PRRC2B: variants seen among roughly 807,000 people sequenced by gnomAD.
PRRC2B encodes proline rich coiled-coil 2B, also known as protein PRRC2B.
In PRRC2B, 68 loss-of-function variants were observed where a neutral mutation model predicts 242.3. The ratio of observed to expected loss-of-function variants is 0.28; its 90% CI spans 0.23 to 0.34. PRRC2B has a LOEUF of 0.34. Ranked by LOEUF, PRRC2B falls within the 10% of genes least tolerant of loss-of-function variation. The pLI is 1.00. For synonymous variants in PRRC2B, 1,228 were observed against 1,173.6 expected (o/e 1.05, Z -0.95); for missense variants, 2,835 against 2,954.8 (o/e 0.96, Z 0.94).
chr9:131,494,285 G>A lies in PRRC2B; in HGVS notation c.6474-120G>A, dbSNP rs566753181. On this transcript the variant is annotated intron_variant, in intron 30 of 31. Transcript: ENST00000683519. This position sits in a 1 kb window ranked among gnomAD's most constrained non-coding sequence, Gnocchi z 4.3. ...ATCCAAGAGATCCACGGACCGTCCC[G>A]AGTGAGCGCCTCTGGCCGCAGGCCC... 9.5e-5 allele frequency: 59 copies of A among 620,142 alleles called. No homozygotes were observed. The highest frequency in any genetic ancestry group is 2.7e-4 in the Middle Eastern group (1 of 3,756). 38.4% of individuals were successfully genotyped at this position (620,142 alleles called of 1,614,324 possible). A position where few individuals can be genotyped will look rare whatever the true frequency, so the allele number is the denominator to read the frequency against.
intron 6 of PRRC2B, among the ~76,000 whole-genome samples, chr9:131,444,948 A>G (rs1454211220): frequency 1.3e-5 from 2 of 152,138 alleles, no homozygotes; most frequent in East Asian, 3.9e-4. Flanking sequence ...CACGTGTTCT[A>G]CTCAGGGATT....
At chr9:131,389,813 A>C (rs1403728365), upstream of PRRC2B, among the ~76,000 whole-genome samples, 4 of 149,574 alleles carry the variant, frequency 2.7e-5, no homozygotes, top group African/African-American at 9.7e-5. Flanking sequence ...GAGACACCAC[A>C]GTGCTCCCCA....
At chr9:131,461,729 C>T (rs1260037260) in intron 11 of PRRC2B, among the ~76,000 whole-genome samples, 2 of 152,140 alleles carry the variant, frequency 1.3e-5, no homozygotes, top group Non-Finnish European at 2.9e-5. Flanking sequence ...TTAGTAGAGA[C>T]AGGGTTTTGC....
rs1473362838 is a variant in PRRC2B, at chr9:131,485,080, G to A, written c.5698G>A (p.Gly1900Ser). ...ASSGVNYSSF[G>S]GVSMPPMPVA... Reference sequence around the variant, plus strand: ...CAGCGGGGTCAACTACAGCTCCTTCGGTGGAGTGTCCATGCCACCCATGCC... The same window carrying A: ...CAGCGGGGTCAACTACAGCTCCTTCAGTGGAGTGTCCATGCCACCCATGCC... The change falls in exon 25 of 32, where the codon GGT becomes AGT. Residue 1900 changes from glycine to serine, a missense_variant. Around this residue, in one of 7 missense-constraint regions of PRRC2B, gnomAD observed 574 missense variants for 626.0 expected, o/e 0.92. Transcript: ENST00000683519. 5 of 1,605,458 alleles carry A rather than the reference G, an allele frequency of 3.1e-6. No homozygotes were observed. Among genetic ancestry groups the A allele is most frequent in the Admixed American group, 1.7e-5 (1 of 58,988 alleles).
chr9:131,463,717 G>A (rs1340032258), intron 11 of PRRC2B, among the ~76,000 whole-genome samples: 2 of 143,228 alleles, frequency 1.4e-5, no homozygotes, highest in East Asian at 2.1e-4. Context: ...CAGCCTCCTG[G>A]GCTCAAGTGA....
chr9:131,392,741 C>T (rs1173157406), upstream of PRRC2B, among the ~76,000 whole-genome samples: 1 of 151,818 alleles, frequency 6.6e-6, no homozygotes, highest in Non-Finnish European at 1.5e-5. Flanking sequence ...GGTGAAATCC[C>T]ATCTCTACCA....
chr9:131,374,908 C>G (rs1416739198), intron 1 of PRRC2B, among the ~76,000 whole-genome samples: 1 of 152,044 alleles, frequency 6.6e-6, no homozygotes, highest in African/African-American at 2.4e-5. Context: ...AGCTTGCACC[C>G]TCCCCAGGGT....
chr9:131,390,781 C>CTTTT (rs57100225), upstream of PRRC2B, among the ~76,000 whole-genome samples: 55 of 36,942 alleles, frequency 1.5e-3, 1 homozygote, highest in African/African-American at 3.2e-3. Context: ...TGTGCCCTAG[C>CTTTT]TTTTTTTTTT....
intron 1 of PRRC2B, among the ~76,000 whole-genome samples, chr9:131,381,127 C>T (rs1836754494): frequency 6.6e-6 from 1 of 152,086 alleles, no homozygotes; most frequent in African/African-American, 2.4e-5. Flanking sequence ...CTTATCCTAC[C>T]ACCTCCACCT....
chr9:131,389,109 TG>T (rs1836865661), upstream of PRRC2B, among the ~76,000 whole-genome samples: 1 of 148,988 alleles, frequency 6.7e-6, no homozygotes, highest in Admixed American at 7.0e-5. Context: ...CCCAAAGTGC[TG>T]GGATTACAGG....
intron 23 of PRRC2B, among the ~76,000 whole-genome samples, chr9:131,483,664 CTTTGGTTCCA>C (rs1186801083): frequency 1.3e-5 from 2 of 152,214 alleles, no homozygotes; most frequent in Non-Finnish European, 2.9e-5. Flanking sequence ...ATTTGGCTCT[CTTTGGTTCCA>C]TTGTCTCCTC....
intron 1 of PRRC2B, among the ~76,000 whole-genome samples, chr9:131,403,675 A>C (rs1171519260): frequency 4.5e-5 from 3 of 66,318 alleles, no homozygotes; most frequent in African/African-American, 1.6e-4. Flanking sequence ...AAAAAAAAAA[A>C]AAAACAAAAT....
At chr9:131,405,697 G>A (rs1484330727) in intron 1 of PRRC2B, among the ~76,000 whole-genome samples, 1 of 152,136 alleles carries the variant, frequency 6.6e-6, no homozygotes, top group East Asian at 1.9e-4. Context: ...GGTGCGGTTT[G>A]GAATTACACT....
intron 1 of PRRC2B, among the ~76,000 whole-genome samples, chr9:131,407,978 A>G (rs1460894605): frequency 6.6e-6 from 1 of 152,162 alleles, no homozygotes; most frequent in Non-Finnish European, 1.5e-5. Context: ...GGGTAACGGG[A>G]GGCATTGCAT....
chr9:131,377,166 G>C (rs1210435470), intron 1 of PRRC2B, among the ~76,000 whole-genome samples: 1 of 151,916 alleles, frequency 6.6e-6, no homozygotes, highest in Admixed American at 6.6e-5. Flanking sequence ...CCAGGCCGGA[G>C]TGCAGTGGCG....
chr9:131,400,613 T>C (rs985782542), intron 1 of PRRC2B, among the ~76,000 whole-genome samples: 1 of 152,018 alleles, frequency 6.6e-6, no homozygotes, highest in Non-Finnish European at 1.5e-5. Context: ...CCACCGTGCC[T>C]GGACACCCAG....
chr9:131,394,971 T>C (rs1321279927), intron 1 of PRRC2B, among the ~76,000 whole-genome samples: 1 of 151,660 alleles, frequency 6.6e-6, no homozygotes, highest in African/African-American at 2.4e-5. Context: ...TTTTTTTTTT[T>C]TTCCTCCTCT....
chr9:131,394,746 G>C (rs936796420), intron 1 of PRRC2B, among the ~76,000 whole-genome samples: 2 of 151,718 alleles, frequency 1.3e-5, no homozygotes, highest in Non-Finnish European at 2.9e-5. Flanking sequence ...CCTTGGGTCC[G>C]GGGCGCTGAG....
At chr9:131,490,751 C>T (rs1388612410) in intron 28 of PRRC2B, 1 of 374,814 alleles carries the variant, frequency 2.7e-6, no homozygotes, top group Non-Finnish European at 5.3e-6. Context: ...TTGTTTTTAC[C>T]ACCACTTGAT....
Sources: gnomAD v4.1 joint callset for allele counts (sites outside exome capture counted in the v4.1 genomes callset) on GRCh38, gnomAD v4.1.1 for gene constraint, gnomAD v4.1.1 regional missense constraint, Gnocchi (gnomAD v3.1) non-coding constraint, MANE v1.5 for transcripts, NCBI Gene and HGNC (gene_info 2026-07-23, HGNC 2026-07-21) for gene names.